The following GPHN variants were observed in gnomAD, a reference collection of about 807,000 sequenced individuals.
The protein encoded by GPHN is gephyrin.
GPHN carries 17 observed loss-of-function variants against 95.5 expected under a neutral mutation model. The observed-to-expected ratio is 0.18, with a 90% CI of 0.12 to 0.27. GPHN has a LOEUF of 0.27. Ranked by LOEUF, GPHN falls within the 10% of genes least tolerant of loss-of-function variation. The probability of loss-of-function intolerance (pLI) is 1.00; values close to 1 mark genes in which losing one functional copy is unlikely to be tolerated. For synonymous variants in GPHN, 320 were observed against 322.5 expected, an observed-to-expected ratio of 0.99 and a Z score of 0.08; for missense variants, 660 against 978.1, an observed-to-expected ratio of 0.67 and a Z score of 4.34.
chr14:67,067,193 A>G (rs2076095007), intron 11 of GPHN, among the ~76,000 whole-genome samples: 1 of 152,176 alleles, frequency 6.6e-6, no homozygotes, highest in Non-Finnish European at 1.5e-5. Context: ...CAGGTCGCTC[A>G]GCTGCAGATC....
chr14:67,674,396 G>C, the GPHN span: 1 of 1,602,834 alleles, frequency 6.2e-7, no homozygotes, highest in Non-Finnish European at 8.5e-7. Flanking sequence ...GTCCCCAGCA[G>C]CCGCTCGGGC....
chr14:66,698,805 G>T (rs1333431727), intron 2 of GPHN, among the ~76,000 whole-genome samples: 1 of 152,064 alleles, frequency 6.6e-6, no homozygotes, highest in Admixed American at 6.6e-5. Flanking sequence ...TTCGGCTCTG[G>T]GGAACCTGCA....
At chr14:67,714,072 TCACAGTAG>T in the GPHN span, among the ~76,000 whole-genome samples, 2 of 152,232 alleles carry the variant, frequency 1.3e-5, no homozygotes, top group Non-Finnish European at 2.9e-5. Context: ...ATGTTTCCTT[TCACAGTAG>T]CAACTATTAG....
chr14:67,544,262 G>A, the GPHN span, among the ~76,000 whole-genome samples: 1 of 152,102 alleles, frequency 6.6e-6, no homozygotes, highest in Non-Finnish European at 1.5e-5. Flanking sequence ...CAAGAGTAGA[G>A]TCTCCCCTGA....
chr14:67,394,157 A>C, the GPHN span, among the ~76,000 whole-genome samples: 2 of 152,134 alleles, frequency 1.3e-5, no homozygotes, highest in African/African-American at 4.8e-5. Context: ...TCTTCTCCTT[A>C]TCTAAATGTT....
chr14:67,024,456 A>T (rs1639671737), intron 10 of GPHN, among the ~76,000 whole-genome samples: 1 of 152,218 alleles, frequency 6.6e-6, no homozygotes, highest in South Asian at 2.1e-4. Flanking sequence ...AATCATACTG[A>T]AATAGGCCTA....
At chr14:66,560,288 T>C (rs1418519469) in intron 1 of GPHN, among the ~76,000 whole-genome samples, 4 of 152,212 alleles carry the variant, frequency 2.6e-5, no homozygotes, top group Admixed American at 2.0e-4. Context: ...AAGTCATTGG[T>C]AGCTTAATGG....
chr14:67,611,809 A>G, the GPHN span, among the ~76,000 whole-genome samples: 3 of 152,208 alleles, frequency 2.0e-5, no homozygotes, highest in East Asian at 1.9e-4. Context: ...ACTTAAGTGC[A>G]TTACATTTAT....
At chr14:66,509,787 A>C (rs570245623) in intron 1 of GPHN, among the ~76,000 whole-genome samples, 1 of 152,248 alleles carries the variant, frequency 6.6e-6, no homozygotes, top group South Asian at 2.1e-4. Context: ...AAATTCTGAC[A>C]GGTCGAGACG....
At chr14:66,933,034 T>C (rs2066910076) in intron 8 of GPHN, among the ~76,000 whole-genome samples, 1 of 152,236 alleles carries the variant, frequency 6.6e-6, no homozygotes, top group African/African-American at 2.4e-5. Context: ...TCTCATTGAT[T>C]AACTATTTAT....
At chr14:66,814,730 T>C (rs936259428) in intron 3 of GPHN, among the ~76,000 whole-genome samples, 1 of 152,200 alleles carries the variant, frequency 6.6e-6, no homozygotes, top group Non-Finnish European at 1.5e-5. Flanking sequence ...GCAAGAATGC[T>C]GAAAACTCAA....
At chr14:66,568,380 G>T (rs894156520) in intron 1 of GPHN, among the ~76,000 whole-genome samples, 1 of 152,100 alleles carries the variant, frequency 6.6e-6, no homozygotes, top group Admixed American at 6.5e-5. Flanking sequence ...GGCATTTTAG[G>T]CCAGATTATT....
At chr14:67,626,591 C>A in the GPHN span, among the ~76,000 whole-genome samples, 1 of 152,168 alleles carries the variant, frequency 6.6e-6, no homozygotes, top group Non-Finnish European at 1.5e-5. Context: ...CGGCCTCAGC[C>A]TTCTGAGTAC....
At chr14:67,589,352 C>G in the GPHN span, 1 of 983,202 alleles carries the variant, frequency 1.0e-6, no homozygotes. Context: ...ATGAGAGTCC[C>G]ATGTCTGAAA....
intron 1 of GPHN, among the ~76,000 whole-genome samples, chr14:66,640,793 A>AT (rs371478040): frequency 1.2e-3 from 185 of 152,318 alleles, no homozygotes; most frequent in African/African-American, 4.1e-3. Flanking sequence ...GAAAATCAAG[A>AT]TAAAATATAC....
intron 9 of GPHN, among the ~76,000 whole-genome samples, chr14:66,990,105 C>G (rs1458490230): frequency 1.3e-5 from 2 of 152,108 alleles, no homozygotes; most frequent in Non-Finnish European, 2.9e-5. Context: ...GAAGGGGAAA[C>G]AAGGTACGTT....
intron 1 of GPHN, among the ~76,000 whole-genome samples, chr14:66,640,849 G>T (rs2064355605): frequency 6.6e-6 from 1 of 152,168 alleles, no homozygotes; most frequent in African/African-American, 2.4e-5. Flanking sequence ...TGTATTTCAA[G>T]TCTCAGTTGT....
chr14:66,706,989 G>A (rs1476416651), intron 2 of GPHN, among the ~76,000 whole-genome samples: 1 of 151,130 alleles, frequency 6.6e-6, no homozygotes, highest in African/African-American at 2.4e-5. Context: ...CCATCAAAAA[G>A]TGGGCAAAGG....
chr14:66,961,945 T>TATATATATATATATAC (rs1555452362), intron 8 of GPHN, among the ~76,000 whole-genome samples: 3 of 79,088 alleles, frequency 3.8e-5, no homozygotes, highest in Admixed American at 1.6e-4. Context: ...TATATATATA[T>TATATATATATATATAC]ATACACATAT....
Sources: allele counts gnomAD v4.1 joint callset (sites outside exome capture counted in the v4.1 genomes callset), GRCh38; gene constraint gnomAD v4.1.1; transcripts MANE v1.5; gene names NCBI Gene and HGNC (gene_info 2026-07-23, HGNC 2026-07-21).